The following IFT27 variants were observed in gnomAD, a reference collection of about 807,000 sequenced individuals.
IFT27 encodes intraflagellar transport 27, also known as intraflagellar transport protein 27 homolog.
In IFT27, 19 loss-of-function variants were observed where a neutral mutation model predicts 23.9. That is an observed-to-expected ratio of 0.79 (90% CI 0.55 to 1.16). The LOEUF (loss-of-function observed/expected upper bound fraction) is 1.16. IFT27 is among the 50% of genes most tolerant of loss of function. IFT27 has a pLI of 0.00. For synonymous variants in IFT27, 91 were observed against 89.1 expected (o/e 1.02, Z -0.12); for missense variants, 206 against 228.7 (o/e 0.90, Z 0.64).
rs1486637477 is a variant in IFT27, at chr22:36,767,343, A to G, written c.137T>C (p.Val46Ala). Residue 46 changes from valine (V) to alanine (A), a missense_variant, in exon 3 of 7, where the codon GTG becomes GCG. By Grantham distance (64) the Val-to-Ala change is moderately conservative. Coordinates refer to ENST00000433985, the MANE Select transcript of IFT27 (RefSeq NM_001177701.3). ...YTLTTGMDLV[V>A]KTVPVPDTGD... ...CGTGTCAGGAACTGGCACTGTCTTCACCACCAAATCCATTCCTGTTGTCTG... is the reference window on the plus strand; with the variant it reads ...CGTGTCAGGAACTGGCACTGTCTTCGCCACCAAATCCATTCCTGTTGTCTG... The G allele has an allele frequency of 6.2e-7, 1 of 1,613,776 alleles. No individual in the cohort carries two copies. The highest frequency in any genetic ancestry group is 8.5e-7 in the Non-Finnish European group (1 of 1,179,814).
chr22:36,759,014 G>A (rs985960768), intron 6 of IFT27: 3 of 153,044 alleles, frequency 2.0e-5, no homozygotes, highest in Admixed American at 6.5e-5. Context: ...CTGTCTTAAG[G>A]GGGCTCGGCT....
chr22:36,764,849 G>A (rs1055770293), intron 4 of IFT27, among the ~76,000 whole-genome samples: 20 of 152,202 alleles, frequency 1.3e-4, no homozygotes, highest in Admixed American at 8.5e-4. Context: ...CTGTGGGTGC[G>A]CACCCTGGTG....
chr22:36,772,412 T>G, intron 1 of IFT27: 4 of 737,198 alleles, frequency 5.4e-6, no homozygotes, highest in Non-Finnish European at 6.6e-6. Context: ...AGAATTGTTA[T>G]GAGGATTTAA....
At chr22:36,767,732 A>C in intron 2 of IFT27, 51 bp downstream of exon 2, 2 of 1,491,476 alleles carry the variant, frequency 1.3e-6, no homozygotes, top group Non-Finnish European at 1.9e-6. Context: ...CATCATGGTG[A>C]ACCGAGCACT....
intron 6 of IFT27, chr22:36,760,426 G>A (rs1938058459): frequency 6.6e-6 from 1 of 152,220 alleles, no homozygotes. Flanking sequence ...ACTTTGAGAG[G>A]GTTACCAATG....
rs544238254 is a variant in IFT27, at chr22:36,769,598, G to C, written c.35-1736C>G. On this transcript the variant is annotated intron_variant, in intron 1 of 6. Transcript: ENST00000433985. Reference sequence around the variant, plus strand: ...ACAAACTCTTGACCTCAGGTGATCTGCCTGCCTCTGCCTGCCAAAGTGCTG... The same window carrying C: ...ACAAACTCTTGACCTCAGGTGATCTCCCTGCCTCTGCCTGCCAAAGTGCTG... 1.0e-3 allele frequency among the ~76,000 whole-genome samples: 154 copies of C among 152,218 alleles called. 1 individual carries two copies. The highest frequency in any genetic ancestry group is 1.6e-3 in the Non-Finnish European group (108 of 68,012).
intron 1 of IFT27, 120 bp from the exon 2 acceptor site, chr22:36,767,982 C>T: frequency 1.1e-6 from 1 of 927,960 alleles, no homozygotes; most frequent in South Asian, 1.3e-5. Context: ...GATGTACTTG[C>T]CTCTCACGGG....
At position 36,775,762 on chromosome 22, in the gene IFT27, C is replaced by T. The variant is rs1938487633; in HGVS notation, c.-55G>A. On this transcript the variant is annotated 5_prime_UTR_variant, in exon 1 of 7. Coordinates refer to ENST00000433985, the MANE Select transcript of IFT27 (RefSeq NM_001177701.3). Reference sequence around the variant, plus strand: ...AGAGGACAAGAGCGGCTGCTAGAGACGCGAGTGGGTGGGCTTCGGGCCCTG... The same window carrying T: ...AGAGGACAAGAGCGGCTGCTAGAGATGCGAGTGGGTGGGCTTCGGGCCCTG... 1.9e-6 allele frequency: 3 copies of T among 1,595,044 alleles called. No individual in the cohort carries two copies. The highest frequency in any genetic ancestry group is 2.6e-6 in the Non-Finnish European group (3 of 1,162,972).
intron 1 of IFT27, among the ~76,000 whole-genome samples, chr22:36,769,092 T>C (rs1254548687): frequency 6.6e-6 from 1 of 152,238 alleles, no homozygotes. Flanking sequence ...GCATTTCATT[T>C]TATGTGAACT....
intron 5 of IFT27, chr22:36,763,599 A>C: frequency 2.2e-6 from 1 of 447,202 alleles, no homozygotes; most frequent in South Asian, 2.1e-5. Context: ...CCCATATACA[A>C]GAGAAAATTA....
chr22:36,774,301 T>A (rs1163465479), intron 1 of IFT27, among the ~76,000 whole-genome samples: 1 of 152,248 alleles, frequency 6.6e-6, no homozygotes, highest in Non-Finnish European at 1.5e-5. Flanking sequence ...AAGAGGGGAA[T>A]TTTTTAAAAC....
In IFT27 at chr22:36,766,191, A is replaced by G. The variant is rs751960738; in HGVS notation, c.181T>C (p.Phe61Leu). The change falls in exon 4 of 7, where the codon TTC (phenylalanine) becomes CTC (leucine). Residue 61 changes from phenylalanine (F) to leucine (L), a missense_variant. Coordinates refer to ENST00000433985, the MANE Select transcript of IFT27 (RefSeq NM_001177701.3). ...TCCTTGCCAGCAGAGTCAAAAATGA[A>G]GAGTTCCTACAATCAGAAAAGCAAG... ...VPDTGDSVEL[F>L]IFDSAGKELF... 1 of 1,614,066 alleles carries G rather than the reference A, an allele frequency of 6.2e-7. No individual in the cohort carries two copies. Among genetic ancestry groups the G allele is most frequent in the South Asian group, 1.1e-5 (1 of 91,084 alleles).
At chr22:36,771,343 C>T (rs971880342) in intron 1 of IFT27, among the ~76,000 whole-genome samples, 2 of 152,218 alleles carry the variant, frequency 1.3e-5, no homozygotes, top group African/African-American at 4.8e-5. Flanking sequence ...TGTTGAAATG[C>T]CGAGTAGAGT....
At chr22:36,765,668 G>C (rs1208710930) in intron 4 of IFT27, among the ~76,000 whole-genome samples, 1 of 152,152 alleles carries the variant, frequency 6.6e-6, no homozygotes, top group East Asian at 1.9e-4. Flanking sequence ...GACGGGGGTG[G>C]ATGGGGCATG....
intron 1 of IFT27, among the ~76,000 whole-genome samples, chr22:36,774,532 G>A (rs1022867686): frequency 6.6e-6 from 1 of 152,226 alleles, no homozygotes; most frequent in Non-Finnish European, 1.5e-5. Context: ...ACCTGGCCGG[G>A]CGCAGTGGCT....
Position 36,763,950 on chromosome 22 carries a change from A to G in IFT27, c.321T>C (p.Ala107=), listed in dbSNP as rs1209862050. 17 of 1,613,832 alleles carry G rather than the reference A, an allele frequency of 1.1e-5. No individual in the cohort carries two copies. Among genetic ancestry groups the G allele is most frequent in the Non-Finnish European group, 1.4e-5 (17 of 1,179,800 alleles). The change falls in exon 5 of 7, where the codon GCT becomes GCC. Residue 107 remains alanine (A), a synonymous_variant. Transcript: ENST00000433985. Reference sequence around the variant, plus strand: ...GAGAGATGCCTGGAGCCTGTGACCGAGCCTTCTCCAGCCACTTGCTGCAGT... The same window carrying G: ...GAGAGATGCCTGGAGCCTGTGACCGGGCCTTCTCCAGCCACTTGCTGCAGT... The part of the protein sequence containing the change: ...FNNCSKWLEK[A]RSQAPGISLP...
chr22:36,772,779 G>A, intron 1 of IFT27: 1 of 984,994 alleles, frequency 1.0e-6, no homozygotes, highest in Non-Finnish European at 1.2e-6. Flanking sequence ...CCAGTTATGT[G>A]AGAGAAAAAA....
chr22:36,767,809 C>T lies in IFT27; in HGVS notation c.88G>A (p.Ala30Thr). ...AGGGTGTAGCTTTTCTGGAAATGGG[C>T]TCCATCACTGCGGAAGATCTGTGCC... is the stretch of plus-strand genomic sequence containing the variant. ...ALAQIFRSDGAHFQKSYTLTT... is the reference protein window; with the variant it reads ...ALAQIFRSDGTHFQKSYTLTT... Residue 30 changes from alanine to threonine, a missense_variant, in exon 2 of 7, where the codon GCC becomes ACC. Ala to Thr is a moderately conservative substitution (Grantham distance 58). Transcript: ENST00000433985. The T allele has an allele frequency of 6.2e-7, 1 of 1,614,190 alleles. No individual in the cohort carries two copies. Among genetic ancestry groups the T allele is most frequent in the South Asian group, 1.1e-5 (1 of 91,084 alleles).
rs192206231 is a variant in IFT27 at position 36,764,496 on chromosome 22, A to G, written c.235-460T>C. On this transcript the variant is annotated intron_variant, in intron 4 of 6. Coordinates refer to ENST00000433985, the MANE Select transcript of IFT27 (RefSeq NM_001177701.3). The stretch of plus-strand genomic sequence containing the variant: ...CTTTCACCTGCAGCTGGCCTCATTC[A>G]TTCATTCTCCACTCATTCTTATCAA... Among the ~76,000 whole-genome samples, 298 of 152,374 alleles carry G rather than the reference A, an allele frequency of 2.0e-3. 1 individual carries two copies. The highest frequency in any genetic ancestry group is 6.8e-3 in the African/African-American group (284 of 41,592).
Sources: allele counts gnomAD v4.1 joint callset (sites outside exome capture counted in the v4.1 genomes callset), GRCh38; gene constraint gnomAD v4.1.1; transcripts MANE v1.5; gene names NCBI Gene and HGNC (gene_info 2026-07-23, HGNC 2026-07-21).